The following EVC variants were observed in gnomAD, a reference collection of about 807,000 sequenced individuals.
EVC encodes EvC ciliary complex subunit 1, also known as evC complex member EVC.
EVC carries 116 observed loss-of-function variants against 118.9 expected under a neutral mutation model. That is an observed-to-expected ratio of 0.98 (90% CI 0.84 to 1.14). The LOEUF is 1.14. Ranked by LOEUF, EVC falls within the 50% of genes most tolerant of loss-of-function variation. EVC has a pLI of 0.00. For missense variants in EVC, 1,401 were observed against 1,246.4 expected (o/e 1.12, Z -1.87); for synonymous variants, 619 against 534.7 (o/e 1.16, Z -2.18).
intron 11 of EVC, among the ~76,000 whole-genome samples, chr4:5,759,944 C>T (rs980314628): frequency 6.6e-6 from 1 of 151,002 alleles, no homozygotes; most frequent in Non-Finnish European, 1.5e-5. Flanking sequence ...TACATTGGTT[C>T]GGTCAGGAAA....
In EVC at chr4:5,737,710, G is replaced by A. The variant is rs936645576; in HGVS notation, c.703-4006G>A. On this transcript the variant is annotated intron_variant, in intron 5 of 20. Coordinates refer to ENST00000264956, the MANE Select transcript of EVC (RefSeq NM_153717.3). The surrounding 1 kb of genome is among the most constrained non-coding windows in gnomAD (Gnocchi z 5.0). ...TATAGCATAGTTTAAGCCCACTATTGACACCTACTGCCCAGAAAATAAACT... is the reference window on the plus strand; with the variant it reads ...TATAGCATAGTTTAAGCCCACTATTAACACCTACTGCCCAGAAAATAAACT... Among the ~76,000 whole-genome samples, 1 of 152,102 alleles carries A rather than the reference G, an allele frequency of 6.6e-6. No individual in the cohort carries two copies. The highest frequency in any genetic ancestry group is 2.4e-5 in the African/African-American group (1 of 41,410).
rs1212823200 is a variant in EVC, at chr4:5,729,331, A to T, written c.325A>T (p.Asn109Tyr). 1 of 1,614,010 alleles carries T rather than the reference A, an allele frequency of 6.2e-7. No homozygotes were observed. The highest frequency in any genetic ancestry group is 1.7e-5 in the Admixed American group (1 of 59,998). ...VDECEPPSNS[N>Y]ITAFALKAKV... is the part of the protein sequence containing the mutation. ...GGAATGTGAGCCGCCTTCCAACAGC[A>T]ATATCACAGCATTCGCCCTGAAGGC... Residue 109 changes from asparagine to tyrosine, a missense_variant, in exon 3 of 21, where the codon AAT (asparagine) becomes TAT (tyrosine). Asn to Tyr is a moderately radical substitution (Grantham distance 143). Transcript: ENST00000264956.
rs138940804 is a variant in EVC, at chr4:5,715,994, G to A, written c.175-3254G>A. The stretch of plus-strand genomic sequence containing the variant: ...CCTGAGCTCGTGATCCACCTGCCTC[G>A]GCCTCCCAGAGTGCTGGGATTACAG... On this transcript the variant is annotated intron_variant, in intron 1 of 20. Transcript: ENST00000264956. 1.8e-4 allele frequency among the ~76,000 whole-genome samples: 28 copies of A among 152,240 alleles called. No individual in the cohort carries two copies. The East Asian group carries it at 4.5e-3, about 24-fold the overall frequency.
rs1255719780 is a variant in EVC, at chr4:5,755,424, G to A, written c.1465-840G>A. Among the ~76,000 whole-genome samples the A allele has an allele frequency of 1.4e-5, 2 of 139,184 alleles. No individual in the cohort carries two copies. The highest frequency in any genetic ancestry group is 3.1e-5 in the Non-Finnish European group (2 of 64,610). 91.3% of individuals were successfully genotyped at this position (139,184 alleles called of 152,430 possible). A position where few individuals can be genotyped will look rare whatever the true frequency, so the allele number is the denominator to read the frequency against. ...GACATGGACAAATGGGCAAACGAGC[G>A]AATGAAGGAGGATGGAATGGGTGGG... is the stretch of plus-strand genomic sequence containing the variant. On this transcript the variant is annotated intron_variant, in intron 10 of 20. Transcript: ENST00000264956. The surrounding 1 kb of genome is among the most constrained non-coding windows in gnomAD (Gnocchi z 4.1).
intron 7 of EVC, 90 bp from the exon 8 acceptor site, chr4:5,748,058 G>A (rs1468195974): frequency 7.4e-7 from 1 of 1,343,518 alleles, no homozygotes; most frequent in East Asian, 2.3e-5. Context: ...TTTGTGATAG[G>A]GAGTGAATTG....
At position 5,800,203 on chromosome 4, in the gene EVC, G is replaced by T. The variant is rs375298127; in HGVS notation, c.2304+1411G>T. On this transcript the variant is annotated intron_variant, in intron 15 of 20. Transcript: ENST00000264956. ...CTACTAAAAATACAAAAATTAGCTA[G>T]GTGTAGTGGTGTGCGCCTGTAATCC... 2.6e-5 allele frequency among the ~76,000 whole-genome samples: 4 copies of T among 152,240 alleles called. No homozygotes were observed. The South Asian group carries it at 6.2e-4, about 24-fold the overall frequency.
downstream of EVC, among the ~76,000 whole-genome samples, chr4:5,817,303 C>T (rs181277655): frequency 6.6e-6 from 1 of 152,302 alleles, no homozygotes; most frequent in East Asian, 1.9e-4. Context: ...CCAAGCTACC[C>T]ACGTGGTGTT....
downstream of EVC, among the ~76,000 whole-genome samples, chr4:5,814,615 G>T (rs1717394160): frequency 6.6e-6 from 1 of 152,168 alleles, no homozygotes; most frequent in Admixed American, 6.5e-5. Context: ...GAGAGGTCTA[G>T]GCTGAGCCCA....
chr4:5,732,977 T>G (rs1212936352), intron 4 of EVC, among the ~76,000 whole-genome samples: 1 of 152,142 alleles, frequency 6.6e-6, no homozygotes, highest in Admixed American at 6.5e-5. Flanking sequence ...ACCACTGCAC[T>G]CCAGCCTGGG....
intron 11 of EVC, among the ~76,000 whole-genome samples, chr4:5,757,236 G>T (rs991479613): frequency 6.6e-6 from 1 of 152,196 alleles, no homozygotes; most frequent in African/African-American, 2.4e-5. Flanking sequence ...GCTTCTGAGT[G>T]CAGAGGAGAG....
intron 12 of EVC, among the ~76,000 whole-genome samples, chr4:5,792,665 GTC>G (rs775840208): frequency 3.3e-5 from 5 of 152,168 alleles, no homozygotes; most frequent in Non-Finnish European, 5.9e-5. Flanking sequence ...TAATATGAAT[GTC>G]TCTATTGAAA....
chr4:5,722,170 C>A (rs1725064319), intron 2 of EVC, among the ~76,000 whole-genome samples: 1 of 152,106 alleles, frequency 6.6e-6, no homozygotes, highest in Admixed American at 6.5e-5. Context: ...GATGGTGCTC[C>A]CCCTGCCATT....
At chr4:5,728,455 A>G (rs1726222852) in intron 2 of EVC, among the ~76,000 whole-genome samples, 1 of 151,990 alleles carries the variant, frequency 6.6e-6, no homozygotes, top group Non-Finnish European at 1.5e-5. Context: ...GTTGCTTATC[A>G]GCTTAAGGAG....
intron 11 of EVC, among the ~76,000 whole-genome samples, chr4:5,779,772 T>A (rs1477174876): frequency 5.1e-5 from 7 of 136,994 alleles, no homozygotes; most frequent in Non-Finnish European, 7.7e-5. Context: ...AGATATACAA[T>A]CATGTCGTCT....
chr4:5,788,975 G>A (rs1309213141), intron 12 of EVC, among the ~76,000 whole-genome samples: 3 of 152,186 alleles, frequency 2.0e-5, no homozygotes, highest in Non-Finnish European at 4.4e-5. Flanking sequence ...GTGGCCCGGG[G>A]AAGTCAAAAG....
At position 5,756,226 on chromosome 4, in the gene EVC, C is replaced by A; in HGVS notation, c.1465-38C>A. 1 of 1,473,228 alleles carries A rather than the reference C, an allele frequency of 6.8e-7. No homozygotes were observed. Among genetic ancestry groups the A allele is most frequent in the Non-Finnish European group, 9.4e-7 (1 of 1,066,878 alleles). 91.3% of individuals were successfully genotyped at this position (1,473,228 alleles called of 1,614,324 possible). A position where few individuals can be genotyped will look rare whatever the true frequency, so the allele number is the denominator to read the frequency against. On this transcript the variant is annotated intron_variant, in intron 10 of 20. Coordinates refer to ENST00000264956, the MANE Select transcript of EVC (RefSeq NM_153717.3). This position sits in a 1 kb window ranked among gnomAD's most constrained non-coding sequence, Gnocchi z 4.2. ...TCTGGAAAAAAAAAAAAAAACCCTG[C>A]ATGTTTCTACCAGACTCAGCTCTTG...
intron 7 of EVC, 99 bp from the exon 8 acceptor site, chr4:5,748,049 T>C (rs771755651): frequency 3.2e-5 from 42 of 1,295,740 alleles, no homozygotes; most frequent in Non-Finnish European, 4.5e-5. Context: ...GAATCTTTGT[T>C]TGTGATAGGG....
At chr4:5,718,122 T>C (rs1724292319) in intron 1 of EVC, among the ~76,000 whole-genome samples, 1 of 152,146 alleles carries the variant, frequency 6.6e-6, no homozygotes, top group African/African-American at 2.4e-5. Context: ...GTTTTAAATA[T>C]AGTCTACTCT....
In EVC at chr4:5,734,001, A is replaced by G. The variant is rs144983058; in HGVS notation, c.702+566A>G. ...TTTCATGGGGCCACGTGTTCTCTTG[A>G]CTGAATGAACAAGAACTCAGAACTG... is the stretch of plus-strand genomic sequence containing the variant. On this transcript the variant is annotated intron_variant, in intron 5 of 20. Transcript: ENST00000264956. Among the ~76,000 whole-genome samples the G allele has an allele frequency of 3.9e-5, 6 of 152,230 alleles. 1 individual carries two copies. The highest frequency in any genetic ancestry group is 5.9e-5 in the Non-Finnish European group (4 of 68,016).
Sources: gnomAD v4.1 joint callset for allele counts (sites outside exome capture counted in the v4.1 genomes callset) on GRCh38, gnomAD v4.1.1 for gene constraint, Gnocchi (gnomAD v3.1) non-coding constraint, MANE v1.5 for transcripts, NCBI Gene and HGNC (gene_info 2026-07-23, HGNC 2026-07-21) for gene names.